The following SLC24A4 variants were observed in gnomAD, a reference collection of about 807,000 sequenced individuals.
The protein encoded by SLC24A4 is solute carrier family 24 member 4.
Under a neutral mutation model 79.0 loss-of-function variants are expected in SLC24A4, and 53 were observed. The observed-to-expected ratio is 0.67, with a 90% CI of 0.54 to 0.84. The LOEUF (loss-of-function observed/expected upper bound fraction) is 0.84, where lower values mean the gene tolerates loss of function less well. Ranked by LOEUF, SLC24A4 falls within the 40% of genes least tolerant of loss-of-function variation. The pLI is 0.00. For missense variants in SLC24A4, 731 were observed against 822.0 expected, an observed-to-expected ratio of 0.89 and a Z score of 1.35; for synonymous variants, 323 against 323.8, an observed-to-expected ratio of 1.00 and a Z score of 0.03.
At chr14:92,420,792 C>T (rs1891231828) in intron 2 of SLC24A4, among the ~76,000 whole-genome samples, 1 of 149,738 alleles carries the variant, frequency 6.7e-6, no homozygotes, top group Non-Finnish European at 1.5e-5. Flanking sequence ...GCTGAGAATA[C>T]CCACGGTGGG....
intron 2 of SLC24A4, among the ~76,000 whole-genome samples, chr14:92,386,925 G>C (rs967520203): frequency 6.6e-6 from 1 of 152,102 alleles, no homozygotes; most frequent in African/African-American, 2.4e-5. Flanking sequence ...ATGTGTTCTC[G>C]AGGCTGGTTC....
chr14:92,470,602 C>T (rs1770586847), intron 12 of SLC24A4, among the ~76,000 whole-genome samples: 1 of 151,492 alleles, frequency 6.6e-6, no homozygotes, highest in African/African-American at 2.4e-5. Flanking sequence ...AAAGGAATGA[C>T]GGCAGCCCTC....
chr14:92,350,024 A>C (rs1173906964), intron 2 of SLC24A4, among the ~76,000 whole-genome samples: 1 of 152,224 alleles, frequency 6.6e-6, no homozygotes, highest in African/African-American at 2.4e-5. Context: ...TGACCATGGA[A>C]GTCTTGTTAC....
At chr14:92,479,329 T>G (rs1894937198) in intron 12 of SLC24A4, among the ~76,000 whole-genome samples, 1 of 152,190 alleles carries the variant, frequency 6.6e-6, no homozygotes, top group Admixed American at 6.5e-5. Context: ...TAAGTATAAG[T>G]GCTAGCTGTG....
rs768953976 is a variant in SLC24A4 at position 92,323,861 on chromosome 14, A to C, written c.31A>C (p.Lys11Gln). The C allele has an allele frequency of 1.3e-6, 2 of 1,598,536 alleles. No homozygotes were observed. The highest frequency in any genetic ancestry group is 1.7e-6 in the Non-Finnish European group (2 of 1,178,032). ...GCTCCGCGGGACCCTCCGGCCGCTC[A>C]AAGTTCGCAGGAGGCGAGAGATGCT... Reference protein sequence around the residue: MALRGTLRPLKVRRRREMLPQ... With the variant: MALRGTLRPLQVRRRREMLPQ... The change falls in exon 1 of 17, where the codon AAA becomes CAA. Residue 11 changes from lysine (K) to glutamine (Q), a missense_variant. Physicochemically the swap from Lys to Gln is moderately conservative, Grantham distance 53. Transcript: ENST00000532405. This position sits in a 1 kb window ranked among gnomAD's most constrained non-coding sequence, Gnocchi z 4.9.
chr14:92,351,915 G>GAAAGGGAAGGA (rs1555361031), intron 2 of SLC24A4, among the ~76,000 whole-genome samples: 2 of 140,506 alleles, frequency 1.4e-5, no homozygotes, highest in East Asian at 2.1e-4. Flanking sequence ...GGAAGGAAAG[G>GAAAGGGAAGGA]AAGGAAAGGA....
chr14:92,400,808 C>A (rs1358970018), intron 2 of SLC24A4, among the ~76,000 whole-genome samples: 1 of 152,148 alleles, frequency 6.6e-6, no homozygotes, highest in Non-Finnish European at 1.5e-5. Context: ...TTTCTGTAAG[C>A]ATTGGTGTTT....
At chr14:92,443,628 A>G (rs562677912) in intron 7 of SLC24A4, among the ~76,000 whole-genome samples, 154 bp downstream of exon 7, 2 of 152,298 alleles carry the variant, frequency 1.3e-5, no homozygotes, top group Non-Finnish European at 2.9e-5. Flanking sequence ...CACAGTGACC[A>G]GCGCCCCGAC....
At chr14:92,456,697 T>C in intron 12 of SLC24A4, 89 bp downstream of exon 12, 1 of 1,352,398 alleles carries the variant, frequency 7.4e-7, no homozygotes, top group Non-Finnish European at 1.0e-6. Context: ...AGGCATGGAC[T>C]TGTAAGGGCG....
At chr14:92,468,096 A>G (rs1180185379) in intron 12 of SLC24A4, among the ~76,000 whole-genome samples, 2 of 152,224 alleles carry the variant, frequency 1.3e-5, no homozygotes, top group African/African-American at 2.4e-5. Context: ...ATCAATATAT[A>G]CAATTCAGTT....
intron 5 of SLC24A4, among the ~76,000 whole-genome samples, 184 bp downstream of exon 5, chr14:92,442,357 T>TA (rs1892547117): frequency 6.6e-6 from 1 of 152,194 alleles, no homozygotes; most frequent in South Asian, 2.1e-4. Flanking sequence ...TGAGGGGTGA[T>TA]AAAAATGTTC....
rs1231295747 is a variant in SLC24A4, at chr14:92,494,471, G to T, written c.*843G>T. ...TGTTTGGTTTGGAATAGGGAAAAAG[G>T]TAAGAGACTAACGTGGAAAGGTGCT... On this transcript the variant is annotated 3_prime_UTR_variant, in exon 17 of 17. Coordinates refer to ENST00000532405, the MANE Select transcript of SLC24A4 (RefSeq NM_153646.4). This position sits in a 1 kb window ranked among gnomAD's most constrained non-coding sequence, Gnocchi z 4.6. 6.6e-6 allele frequency: 1 copy of T among 152,254 alleles called. No individual in the cohort carries two copies. Among genetic ancestry groups the T allele is most frequent in the Non-Finnish European group, 1.5e-5 (1 of 68,048 alleles). The allele number at this position is 152,254 out of a possible 1,614,324, so 9.4% of individuals were successfully genotyped here.
Position 92,493,891 on chromosome 14 carries a change from A to G in SLC24A4, c.*263A>G. 2.0e-6 allele frequency: 1 copy of G among 494,600 alleles called. No homozygotes were observed. The highest frequency in any genetic ancestry group is 3.6e-6 in the Non-Finnish European group (1 of 275,606). The allele number at this position is 494,600 out of a possible 1,614,324, so 30.6% of individuals were successfully genotyped here. Reference sequence around the variant, plus strand: ...AGCTTCAAAGACCCCTGAGCTGCCAACCACGGAGATGTGCCAAGCATCTCA... The same window carrying G: ...AGCTTCAAAGACCCCTGAGCTGCCAGCCACGGAGATGTGCCAAGCATCTCA... On this transcript the variant is annotated 3_prime_UTR_variant, in exon 17 of 17. Transcript: ENST00000532405.
At chr14:92,334,910 GTCA>G (rs988380953) in intron 2 of SLC24A4, among the ~76,000 whole-genome samples, 13 of 146,982 alleles carry the variant, frequency 8.8e-5, no homozygotes, top group East Asian at 1.9e-4. Context: ...CATCATCATC[GTCA>G]TCATCATCAT....
In SLC24A4 at chr14:92,407,963, G is replaced by A. The variant is rs571316023; in HGVS notation, c.242-25949G>A. On this transcript the variant is annotated intron_variant, in intron 2 of 16. Coordinates refer to ENST00000532405, the MANE Select transcript of SLC24A4 (RefSeq NM_153646.4). ...CAGATAGAAATTATTTCCAATAACCGAAAGTGTTGAATTGTCATGGGATGT... is the reference window on the plus strand; with the variant it reads ...CAGATAGAAATTATTTCCAATAACCAAAAGTGTTGAATTGTCATGGGATGT... Among the ~76,000 whole-genome samples the A allele has an allele frequency of 5.4e-5, 8 of 149,124 alleles. No individual in the cohort carries two copies. The South Asian group carries it at 6.4e-4, about 12-fold the overall frequency.
chr14:92,402,925 C>A (rs1890186260), intron 2 of SLC24A4, among the ~76,000 whole-genome samples: 1 of 152,140 alleles, frequency 6.6e-6, no homozygotes, highest in Non-Finnish European at 1.5e-5. Context: ...ACCCTGAAAT[C>A]TCAGTAGCTT....
chr14:92,385,178 T>C (rs1242634755), intron 2 of SLC24A4, among the ~76,000 whole-genome samples: 1 of 152,208 alleles, frequency 6.6e-6, no homozygotes, highest in East Asian at 1.9e-4. Flanking sequence ...TAAGACACAG[T>C]GCCTACCCAT....
intron 11 of SLC24A4, among the ~76,000 whole-genome samples, chr14:92,454,499 G>A (rs78214211): frequency 2.2e-3 from 333 of 152,248 alleles, no homozygotes; most frequent in African/African-American, 7.8e-3. Context: ...GTGTTTAAAT[G>A]GGGTGCTTTT....
intron 2 of SLC24A4, among the ~76,000 whole-genome samples, chr14:92,340,500 G>A (rs1191978715): frequency 6.6e-6 from 1 of 152,210 alleles, no homozygotes; most frequent in Non-Finnish European, 1.5e-5. Context: ...GACCAAATCA[G>A]GGGCAAGGGA....
Sources: allele counts gnomAD v4.1 joint callset (sites outside exome capture counted in the v4.1 genomes callset), GRCh38; gene constraint gnomAD v4.1.1; non-coding constraint Gnocchi (gnomAD v3.1); transcripts MANE v1.5; gene names NCBI Gene and HGNC (gene_info 2026-07-23, HGNC 2026-07-21).